Variants in FANCB observed in about 807,000 individuals in gnomAD.
The protein encoded by FANCB is Fanconi anemia group B protein.
Under a neutral mutation model 38.9 loss-of-function variants are expected in FANCB, and 5 were observed. The observed-to-expected ratio is 0.13, with a 90% CI of 0.07 to 0.27. The LOEUF is 0.27. Among genes scored for constraint, FANCB ranks in the 10% least tolerant of loss-of-function variants. The probability of loss-of-function intolerance (pLI) is 1.00; values close to 1 mark genes in which losing one functional copy is unlikely to be tolerated. For missense variants in FANCB, 573 were observed against 602.7 expected, an observed-to-expected ratio of 0.95 and a Z score of 0.52; for synonymous variants, 236 against 215.4, an observed-to-expected ratio of 1.10 and a Z score of -0.84.
chrX:14,819,200 G>A, the FANCB span, among the ~76,000 whole-genome samples: 1 of 111,781 alleles, frequency 8.9e-6, no homozygotes, highest in African/African-American at 3.3e-5. Context: ...GGTGGAGCAG[G>A]GTTGTCCCAT....
At chrX:14,785,917 G>A in the FANCB span, among the ~76,000 whole-genome samples, 77 of 111,480 alleles carry the variant, frequency 6.9e-4, 1 homozygote, top group South Asian at 0.027. Flanking sequence ...AGACCACTCC[G>A]GGTACCAAAC....
chrX:14,822,092 C>T, the FANCB span, among the ~76,000 whole-genome samples: 1,031 of 111,317 alleles, frequency 9.3e-3, 6 homozygotes, highest in African/African-American at 0.031. Context: ...TCAGGAAGAC[C>T]TGATAGCAAT....
chrX:14,744,398 C>A, the FANCB span, among the ~76,000 whole-genome samples: 1 of 112,333 alleles, frequency 8.9e-6, no homozygotes, highest in Non-Finnish European at 1.9e-5. Flanking sequence ...TTTTAGACAG[C>A]AAACACAATA....
At chrX:14,797,788 CA>C in the FANCB span, among the ~76,000 whole-genome samples, 1 of 109,793 alleles carries the variant, frequency 9.1e-6, no homozygotes, top group Non-Finnish European at 1.9e-5. Context: ...AAAGGAATAT[CA>C]AAGAATTTGT....
At chrX:14,701,489 C>T in the FANCB span, among the ~76,000 whole-genome samples, 7 of 111,223 alleles carry the variant, frequency 6.3e-5, no homozygotes, top group Admixed American at 3.8e-4. Context: ...GTTGCATGCC[C>T]GTGAAGCCAA....
At chrX:14,693,483 A>G in the FANCB span, among the ~76,000 whole-genome samples, 1 of 112,020 alleles carries the variant, frequency 8.9e-6, no homozygotes, top group Admixed American at 9.5e-5. Flanking sequence ...GTTTAAATTG[A>G]CAGATATAAA....
the FANCB span, among the ~76,000 whole-genome samples, chrX:14,715,154 T>G: frequency 8.9e-6 from 1 of 112,436 alleles, no homozygotes; most frequent in African/African-American, 3.2e-5. Flanking sequence ...CTTTTAAGAT[T>G]CTTAACAGGG....
the FANCB span, among the ~76,000 whole-genome samples, chrX:14,785,274 T>G: frequency 2.7e-5 from 3 of 111,769 alleles, no homozygotes; most frequent in Non-Finnish European, 3.8e-5. Flanking sequence ...AAGTCCCTTT[T>G]GCCGGGTAAG....
chrX:14,747,174 G>T, the FANCB span, among the ~76,000 whole-genome samples: 1 of 112,101 alleles, frequency 8.9e-6, no homozygotes, highest in African/African-American at 3.2e-5. Flanking sequence ...CTTGCCTTAT[G>T]TTTTCAACAT....
At chrX:14,768,383 G>T in the FANCB span, among the ~76,000 whole-genome samples, 1 of 111,292 alleles carries the variant, frequency 9.0e-6, no homozygotes, top group South Asian at 3.8e-4. Flanking sequence ...CACTTCCCTT[G>T]CTAGCTGTAT....
At chrX:14,866,380 A>G (rs1390945184) in intron 2 of FANCB, among the ~76,000 whole-genome samples, 1 of 111,884 alleles carries the variant, frequency 8.9e-6, no homozygotes, top group Non-Finnish European at 1.9e-5. Context: ...TCTAATAACT[A>G]TTGTCTTAAA....
chrX:14,781,714 C>G, the FANCB span, among the ~76,000 whole-genome samples: 2 of 111,882 alleles, frequency 1.8e-5, no homozygotes, highest in Non-Finnish European at 3.8e-5. Flanking sequence ...TCCACCATCA[C>G]AAGTGGGCCA....
At chrX:14,745,687 ATTTTTTTTTTTT>A in the FANCB span, among the ~76,000 whole-genome samples, 2 of 29,219 alleles carry the variant, frequency 6.8e-5, no homozygotes, top group African/African-American at 2.8e-4. Flanking sequence ...AAACTCTGGA[ATTTTTTTTTTTT>A]TTTTTTTTTT....
At chrX:14,697,159 A>ATACTT in the FANCB span, among the ~76,000 whole-genome samples, 1 of 111,692 alleles carries the variant, frequency 9.0e-6, no homozygotes, top group Non-Finnish European at 1.9e-5. Flanking sequence ...ACTCTTCTAG[A>ATACTT]TACTTTACAT....
At chrX:14,769,886 AT>A in the FANCB span, among the ~76,000 whole-genome samples, 1 of 112,114 alleles carries the variant, frequency 8.9e-6, no homozygotes, top group Non-Finnish European at 1.9e-5. Context: ...GAACTTCTTG[AT>A]TTCTGCGTTA....
the FANCB span, among the ~76,000 whole-genome samples, chrX:14,723,244 T>C: frequency 1.8e-5 from 2 of 112,326 alleles, no homozygotes; most frequent in Admixed American, 1.9e-4. Flanking sequence ...TTCTTTCTCA[T>C]TGAATGGCAT....
chrX:14,818,871 A>G, the FANCB span, among the ~76,000 whole-genome samples: 2 of 112,215 alleles, frequency 1.8e-5, no homozygotes, highest in Non-Finnish European at 3.8e-5. Context: ...TGGGTACTAA[A>G]TTTTCAACAG....
chrX:14,846,463 T>C (rs777075618), intron 7 of FANCB, among the ~76,000 whole-genome samples: 1 of 111,969 alleles, frequency 8.9e-6, no homozygotes, highest in South Asian at 3.7e-4. Flanking sequence ...TGAGAAGAGG[T>C]TTCTCTTTAT....
At chrX:14,798,353 G>A in the FANCB span, among the ~76,000 whole-genome samples, 8 of 110,255 alleles carry the variant, frequency 7.3e-5, no homozygotes, top group South Asian at 1.6e-3. Context: ...TAGTAGAGAC[G>A]GGGTTTCACC....
Sources: allele counts gnomAD v4.1 joint callset (sites outside exome capture counted in the v4.1 genomes callset), GRCh38; gene constraint gnomAD v4.1.1; transcripts MANE v1.5; gene names NCBI Gene and HGNC (gene_info 2026-07-23, HGNC 2026-07-21).